CPO: variants seen among roughly 807,000 people sequenced by gnomAD.
CPO encodes carboxypeptidase O.
CPO carries 43 observed loss-of-function variants against 41.2 expected under a neutral mutation model. That is an observed-to-expected ratio of 1.04 (90% CI 0.82 to 1.35). The LOEUF (loss-of-function observed/expected upper bound fraction) is 1.35, where lower values mean the gene tolerates loss of function less well. Among genes scored for constraint, CPO ranks in the 40% most tolerant of loss-of-function variants. The probability of loss-of-function intolerance (pLI) is 0.00; values close to 1 mark genes in which losing one functional copy is unlikely to be tolerated. For synonymous variants in CPO, 178 were observed against 162.7 expected (o/e 1.09, Z -0.72); for missense variants, 408 against 451.7 (o/e 0.90, Z 0.88).
At chr2:206,944,629 T>C (rs925224420) in intron 1 of CPO, among the ~76,000 whole-genome samples, 4 of 152,060 alleles carry the variant, frequency 2.6e-5, no homozygotes, top group African/African-American at 9.6e-5. Flanking sequence ...TGTCTTTTCA[T>C]TTGGACAAGC....
intron 7 of CPO, 118 bp downstream of exon 7, chr2:206,962,732 C>G (rs1693504698): frequency 1.3e-6 from 1 of 772,386 alleles, no homozygotes; most frequent in South Asian, 1.7e-5. Context: ...TCTGCTTATC[C>G]CTATATTCTT....
At chr2:206,955,662 C>A in intron 3 of CPO, 98 bp downstream of exon 3, 1 of 772,318 alleles carries the variant, frequency 1.3e-6, no homozygotes, top group South Asian at 1.5e-5. Flanking sequence ...GGAAAAGAGG[C>A]TATGCAGAAT....
At chr2:206,958,990 C>A (rs886588056) in intron 4 of CPO, among the ~76,000 whole-genome samples, 3 of 151,956 alleles carry the variant, frequency 2.0e-5, no homozygotes, top group African/African-American at 7.3e-5. Context: ...ATCCACCTAC[C>A]TCGGTCTCCC....
At chr2:206,962,659 C>T in intron 7 of CPO, 45 bp downstream of exon 7, 2 of 1,465,054 alleles carry the variant, frequency 1.4e-6, no homozygotes, top group Non-Finnish European at 1.9e-6. Context: ...TCAGCAAGAC[C>T]TCTGCCTTCC....
intron 1 of CPO, among the ~76,000 whole-genome samples, chr2:206,946,345 C>T (rs533962702): frequency 2.0e-5 from 3 of 152,144 alleles, no homozygotes; most frequent in African/African-American, 7.2e-5. Context: ...TCAATTAGTA[C>T]TATCTGTTCT....
chr2:206,946,836 T>A (rs1322253625), intron 1 of CPO, among the ~76,000 whole-genome samples: 1 of 152,156 alleles, frequency 6.6e-6, no homozygotes, highest in African/African-American at 2.4e-5. Context: ...AAATATGAAA[T>A]TAAAAACAAG....
At chr2:206,957,766 G>A (rs150106790) in intron 3 of CPO, among the ~76,000 whole-genome samples, 141 of 152,292 alleles carry the variant, frequency 9.3e-4, no homozygotes, top group Non-Finnish European at 1.7e-3. Context: ...TGGGGAGAAG[G>A]AAAGAAGATT....
Position 206,949,673 on chromosome 2 carries a change from T to A in CPO, c.125T>A (p.Leu42Gln). 1 of 1,613,312 alleles carries A rather than the reference T, an allele frequency of 6.2e-7. No individual in the cohort carries two copies. Among genetic ancestry groups the A allele is most frequent in the Non-Finnish European group, 8.5e-7 (1 of 1,179,368 alleles). The change falls in exon 2 of 9, where the codon CTG becomes CAG. Residue 42 changes from leucine to glutamine, a missense_variant. Coordinates refer to ENST00000272852, the MANE Select transcript of CPO (RefSeq NM_173077.3). Reference protein sequence around the residue: ...IVDKSVSPWSLETYSYNIYHP... With the variant: ...IVDKSVSPWSQETYSYNIYHP... Reference sequence around the variant, plus strand: ...GACAAGTCAGTGAGTCCATGGAGCCTGGAGACGTATTCCTATAACATATAC... The same window carrying A: ...GACAAGTCAGTGAGTCCATGGAGCCAGGAGACGTATTCCTATAACATATAC...
At chr2:206,957,246 T>C (rs918643340) in intron 3 of CPO, among the ~76,000 whole-genome samples, 2 of 151,820 alleles carry the variant, frequency 1.3e-5, no homozygotes, top group South Asian at 4.2e-4. Context: ...CGTGGTGGCA[T>C]GTGCCTGTAG....
intron 1 of CPO, among the ~76,000 whole-genome samples, chr2:206,943,740 A>AGATGATGGATAGAT (rs1574345077): frequency 1.6e-5 from 2 of 122,378 alleles, no homozygotes; most frequent in East Asian, 2.4e-4. Context: ...ATAGATAGAT[A>AGATGATGGATAGAT]GATAGATAGA....
At chr2:206,958,441 C>G in intron 4 of CPO, 36 bp downstream of exon 4, 1 of 1,156,042 alleles carries the variant, frequency 8.7e-7, no homozygotes, top group Non-Finnish European at 1.3e-6. Flanking sequence ...TGGTAAATCA[C>G]CCCCATAAAA....
intron 1 of CPO, among the ~76,000 whole-genome samples, chr2:206,943,892 T>C (rs1161518296): frequency 6.6e-6 from 1 of 152,160 alleles, no homozygotes; most frequent in Non-Finnish European, 1.5e-5. Context: ...TGCTTGAGTT[T>C]GGAATTCTCT....
chr2:206,943,157 G>A (rs1253047336), intron 1 of CPO, among the ~76,000 whole-genome samples: 1 of 152,138 alleles, frequency 6.6e-6, no homozygotes, highest in African/African-American at 2.4e-5. Flanking sequence ...ACTTTTTAGT[G>A]TACTCCCTTT....
At chr2:206,966,187 T>C (rs1408679841) in intron 7 of CPO, among the ~76,000 whole-genome samples, 1 of 148,058 alleles carries the variant, frequency 6.8e-6, no homozygotes, top group Non-Finnish European at 1.5e-5. Flanking sequence ...AAATAAATGA[T>C]AGCTGGCAAT....
chr2:206,947,579 C>T (rs1693169510), intron 1 of CPO, among the ~76,000 whole-genome samples: 1 of 152,082 alleles, frequency 6.6e-6, no homozygotes, highest in Non-Finnish European at 1.5e-5. Flanking sequence ...GAAACTTCTA[C>T]TTTGCAAAAG....
At chr2:206,951,747 C>T (rs1254698562) in intron 2 of CPO, among the ~76,000 whole-genome samples, 9 of 152,200 alleles carry the variant, frequency 5.9e-5, no homozygotes, top group Non-Finnish European at 1.2e-4. Flanking sequence ...TCCTCAGCTT[C>T]CTCATCTGTG....
intron 4 of CPO, 152 bp downstream of exon 4, chr2:206,958,557 G>A: frequency 2.1e-6 from 1 of 478,384 alleles, no homozygotes; most frequent in East Asian, 3.4e-5. Context: ...AAATTAATGA[G>A]GAACTTCACT....
intron 6 of CPO, 30 bp from the exon 7 acceptor site, chr2:206,962,381 AG>A: frequency 1.9e-6 from 3 of 1,595,920 alleles, no homozygotes; most frequent in Non-Finnish European, 2.6e-6. Flanking sequence ...GAGATCATGC[AG>A]CCTTCTTTGT....
chr2:206,948,726 A>G (rs1247633572), intron 1 of CPO, among the ~76,000 whole-genome samples: 1 of 152,232 alleles, frequency 6.6e-6, no homozygotes, highest in Non-Finnish European at 1.5e-5. Context: ...ATACCATTGC[A>G]GTCCAGTTTG....
Sources: allele counts gnomAD v4.1 joint callset (sites outside exome capture counted in the v4.1 genomes callset), GRCh38; gene constraint gnomAD v4.1.1; transcripts MANE v1.5; gene names NCBI Gene and HGNC (gene_info 2026-07-23, HGNC 2026-07-21).